GABRA2: variants seen among roughly 807,000 people sequenced by gnomAD.
The protein encoded by GABRA2 is gamma-aminobutyric acid receptor subunit alpha-2.
GABRA2 carries 16 observed loss-of-function variants against 48.7 expected under a neutral mutation model. The observed-to-expected ratio is 0.33, with a 90% CI of 0.22 to 0.50. GABRA2 has a LOEUF of 0.50. GABRA2 is among the 20% of genes least tolerant of loss of function. The pLI is 0.98. For missense variants in GABRA2, 275 were observed against 535.6 expected (o/e 0.51, Z 4.80); for synonymous variants, 185 against 184.5 (o/e 1.00, Z -0.02).
intron 8 of GABRA2, among the ~76,000 whole-genome samples, chr4:46,297,476 C>CATAT (rs56201706): frequency 0.028 from 2,448 of 86,778 alleles, 99 homozygotes; most frequent in South Asian, 0.051. Context: ...AATAAAATCC[C>CATAT]ATATATATAT....
At chr4:46,300,806 CT>C (rs2109607939) in intron 8 of GABRA2, among the ~76,000 whole-genome samples, 1 of 152,170 alleles carries the variant, frequency 6.6e-6, no homozygotes, top group Admixed American at 6.5e-5. Flanking sequence ...GATACCCTCC[CT>C]CAAACATCTT....
rs1553916278 is a variant in GABRA2 at position 46,330,591 on chromosome 4, T to TAGAG, written c.255+2020_255+2023dup. Among the ~76,000 whole-genome samples the TAGAG allele has an allele frequency of 3.0e-3, 362 of 122,670 alleles. 3 individuals are homozygous for TAGAG. Among genetic ancestry groups the TAGAG allele is most frequent in the Middle Eastern group, 4.2e-3 (1 of 236 alleles). 80.5% of individuals were successfully genotyped at this position (122,670 alleles called of 152,430 possible). ...ATATATATATATATATATATATATA[T>TAGAG]AGAGAGAGAGAGAGAGAGATGTTTT... On this transcript the variant is annotated intron_variant, in intron 4 of 9. Coordinates refer to ENST00000381620, the MANE Select transcript of GABRA2 (RefSeq NM_000807.4).
intron 3 of GABRA2, among the ~76,000 whole-genome samples, chr4:46,369,701 T>C (rs1714593810): frequency 6.6e-6 from 1 of 152,082 alleles, no homozygotes; most frequent in African/African-American, 2.4e-5. Context: ...CACATAGTAT[T>C]GGGGATAAAT....
intron 3 of GABRA2, among the ~76,000 whole-genome samples, chr4:46,360,940 T>C (rs566939264): frequency 1.4e-4 from 22 of 152,188 alleles, no homozygotes; most frequent in Non-Finnish European, 2.6e-4. Context: ...CACTCTGAAC[T>C]TGAGAAGGAT....
At position 46,388,624 on chromosome 4, in the gene GABRA2, T is replaced by C. The variant is rs372376682; in HGVS notation, c.71+12A>G. 3 of 1,613,744 alleles carry C rather than the reference T, an allele frequency of 1.9e-6. No homozygotes were observed. The highest frequency in any genetic ancestry group is 2.5e-6 in the Non-Finnish European group (3 of 1,179,890). ...CCTGAATTAAAATAGTCAAATACAA[T>C]AAATATCTCACCTGGCAGGGTCCCA... On this transcript the variant is annotated intron_variant, in intron 2 of 9. Coordinates refer to ENST00000381620, the MANE Select transcript of GABRA2 (RefSeq NM_000807.4).
chr4:46,246,012 T>C lies in GABRA2; in HGVS notation c.*4296A>G, dbSNP rs571119973. Among the ~76,000 whole-genome samples the C allele has an allele frequency of 6.6e-6, 1 of 151,326 alleles. No homozygotes were observed. The highest frequency in any genetic ancestry group is 2.1e-4 in the South Asian group (1 of 4,820). The stretch of plus-strand genomic sequence containing the variant: ...AGCAAAAAAACAAAATTATGATATA[T>C]AATATTTATAAGTAGATATTGAATA... On this transcript the variant is annotated 3_prime_UTR_variant, in exon 10 of 10. Coordinates refer to ENST00000381620, the MANE Select transcript of GABRA2 (RefSeq NM_000807.4).
chr4:46,359,692 C>T (rs572312039), intron 3 of GABRA2, among the ~76,000 whole-genome samples: 40 of 151,946 alleles, frequency 2.6e-4, no homozygotes, highest in African/African-American at 6.5e-4. Flanking sequence ...CCGAGGCAGA[C>T]GGATCATGAG....
intron 9 of GABRA2, among the ~76,000 whole-genome samples, chr4:46,258,460 A>G (rs1196403247): frequency 6.6e-6 from 1 of 151,884 alleles, no homozygotes; most frequent in Admixed American, 6.6e-5. Context: ...GGGGGACAGT[A>G]TGCTTAGTGT....
rs1293781369 is a variant in GABRA2 at position 46,247,490 on chromosome 4, A to G, written c.*2818T>C. 6.6e-6 allele frequency among the ~76,000 whole-genome samples: 1 copy of G among 151,232 alleles called. No homozygotes were observed. Among genetic ancestry groups the G allele is most frequent in the African/African-American group, 2.4e-5 (1 of 41,354 alleles). ...GGGCATGGCACAGGAGGTAAAAAAT[A>G]TTTTTGAATAAATATTAGTTAAATC... On this transcript the variant is annotated 3_prime_UTR_variant, in exon 10 of 10. Coordinates refer to ENST00000381620, the MANE Select transcript of GABRA2 (RefSeq NM_000807.4).
chr4:46,305,423 A>G lies in GABRA2; in HGVS notation c.703+145T>C, dbSNP rs569262205. On this transcript the variant is annotated intron_variant, in intron 7 of 9. Coordinates refer to ENST00000381620, the MANE Select transcript of GABRA2 (RefSeq NM_000807.4). ...AAACTTAAAGTATAATTAAAAAAAA[A>G]AAAAACAAGCTCCCAAGCACAGCCT... The G allele has an allele frequency of 5.9e-6, 4 of 674,166 alleles. No individual in the cohort carries two copies. In the Admixed American group the frequency reaches 9.1e-5, roughly 15 times the overall value. 41.8% of individuals were successfully genotyped at this position (674,166 alleles called of 1,614,324 possible).
intron 4 of GABRA2, among the ~76,000 whole-genome samples, chr4:46,328,693 T>G (rs1730820240): frequency 6.6e-6 from 1 of 152,070 alleles, no homozygotes; most frequent in Non-Finnish European, 1.5e-5. Context: ...GTTAGTTACG[T>G]ATGTATACAT....
intron 1 of GABRA2, chr4:46,389,404 C>A (rs114910294): frequency 4.1e-6 from 4 of 985,262 alleles, no homozygotes; most frequent in Non-Finnish European, 4.8e-6. Flanking sequence ...AGCCGAGGAT[C>A]ACAATAAGAG....
chr4:46,271,758 G>A (rs1420029964), intron 8 of GABRA2, among the ~76,000 whole-genome samples: 1 of 151,682 alleles, frequency 6.6e-6, no homozygotes, highest in African/African-American at 2.4e-5. Context: ...AATATATCAC[G>A]GATTTAATTT....
At chr4:46,317,778 T>A (rs1167092816) in intron 4 of GABRA2, among the ~76,000 whole-genome samples, 1 of 151,206 alleles carries the variant, frequency 6.6e-6, no homozygotes, top group Non-Finnish European at 1.5e-5. Context: ...AAATAAACTC[T>A]AAAAAAAATT....
chr4:46,289,879 T>TTTTTTTTATTTATTTATTTATTTA (rs1256052563), intron 8 of GABRA2, among the ~76,000 whole-genome samples: 32 of 128,318 alleles, frequency 2.5e-4, no homozygotes, highest in African/African-American at 1.3e-3. Context: ...TACCAGTTTA[T>TTTTTTTTATTTATTTATTTATTTA]TTTATTTATT....
intron 1 of GABRA2, chr4:46,389,189 A>T: frequency 1.0e-6 from 1 of 988,402 alleles, no homozygotes; most frequent in Non-Finnish European, 1.2e-6. Context: ...ACAGCGGGAA[A>T]AGCTAGGGGC....
chr4:46,351,423 C>A (rs545795047), intron 3 of GABRA2, among the ~76,000 whole-genome samples: 1 of 152,074 alleles, frequency 6.6e-6, no homozygotes, highest in East Asian at 1.9e-4. Flanking sequence ...GAAATATTCT[C>A]TTTAATTTAA....
Position 46,296,655 on chromosome 4 carries a change from G to GAAAAAAAAAAAAAAAAAAAAAAAAA in GABRA2, c.856+6804_856+6805insTTTTTTTTTTTTTTTTTTTTTTTTT, listed in dbSNP as rs113049147. Among the ~76,000 whole-genome samples the GAAAAAAAAAAAAAAAAAAAAAAAAA allele has an allele frequency of 1.6e-5, 2 of 128,128 alleles. 1 individual carries two copies. The allele number at this position is 128,128 out of a possible 152,430, so 84.1% of individuals were successfully genotyped here. On this transcript the variant is annotated intron_variant, in intron 8 of 9. Transcript: ENST00000381620. ...GAAGGTTTGGATTACTCTATCAGGG[G>GAAAAAAAAAAAAAAAAAAAAAAAAA]GAAAAAAAAAAAGAAAAAAAAAAAC... is the stretch of plus-strand genomic sequence containing the variant.
At chr4:46,265,887 C>T (rs962987204) in intron 8 of GABRA2, among the ~76,000 whole-genome samples, 2 of 151,882 alleles carry the variant, frequency 1.3e-5, no homozygotes, top group African/African-American at 2.4e-5. Context: ...TTCCATTCAT[C>T]TTATTTTCTA....
Sources: gnomAD v4.1 joint callset for allele counts (sites outside exome capture counted in the v4.1 genomes callset) on GRCh38, gnomAD v4.1.1 for gene constraint, MANE v1.5 for transcripts, NCBI Gene and HGNC (gene_info 2026-07-23, HGNC 2026-07-21) for gene names.